The following ANO3 variants were observed in gnomAD, a reference collection of about 807,000 sequenced individuals.
ANO3 encodes anoctamin-3.
A neutral mutation model predicts 144.8 loss-of-function variants in ANO3; 99 were observed. The observed-to-expected ratio is 0.68, with a 90% confidence interval of 0.58 to 0.81. The LOEUF is 0.81. Among genes scored for constraint, ANO3 ranks in the 30% least tolerant of loss-of-function variants. The pLI is 0.00. For missense variants in ANO3, 905 were observed against 1,202.2 expected (o/e 0.75, Z 3.66); for synonymous variants, 414 against 392.6 (o/e 1.05, Z -0.64).
At chr11:26,583,576 C>T (rs2132865519) in intron 14 of ANO3, among the ~76,000 whole-genome samples, 1 of 152,300 alleles carries the variant, frequency 6.6e-6, no homozygotes, top group Non-Finnish European at 1.5e-5. Context: ...GTAGAGAACT[C>T]CATGCATTAC....
chr11:26,281,991 A>T (rs1444726046), intron 1 of ANO3, among the ~76,000 whole-genome samples: 4 of 152,128 alleles, frequency 2.6e-5, no homozygotes, highest in African/African-American at 9.7e-5. Context: ...AAACATGAAA[A>T]CCATTACTTT....
At chr11:26,543,469 T>TA (rs1408811616) in intron 11 of ANO3, among the ~76,000 whole-genome samples, 33 of 87,184 alleles carry the variant, frequency 3.8e-4, no homozygotes, top group East Asian at 1.7e-3. Context: ...TTCTTTTTTT[T>TA]TAATTATATT....
At chr11:26,477,915 C>T (rs1316063681) in intron 4 of ANO3, among the ~76,000 whole-genome samples, 1 of 152,076 alleles carries the variant, frequency 6.6e-6, no homozygotes, top group Admixed American at 6.6e-5. Context: ...CAGGGATACT[C>T]ATTGCATCGT....
intron 18 of ANO3, among the ~76,000 whole-genome samples, chr11:26,629,210 G>C (rs1852690522): frequency 6.6e-6 from 1 of 152,034 alleles, no homozygotes; most frequent in Admixed American, 6.6e-5. Context: ...ATAGCACTCA[G>C]CATGTCTCCA....
chr11:26,277,654 T>C (rs1339754084), intron 1 of ANO3, among the ~76,000 whole-genome samples: 2 of 152,004 alleles, frequency 1.3e-5, no homozygotes, highest in Non-Finnish European at 2.9e-5. Flanking sequence ...TCCTTCTGCT[T>C]GAAATGCCTT....
At chr11:26,407,248 CTTCATTTG>C (rs909135347) in intron 1 of ANO3, among the ~76,000 whole-genome samples, 1 of 151,270 alleles carries the variant, frequency 6.6e-6, no homozygotes, top group African/African-American at 2.4e-5. Flanking sequence ...CTGTGCCTTT[CTTCATTTG>C]TTCTATTACT....
chr11:26,309,847 T>A, intron 1 of ANO3: 1 of 224,058 alleles, frequency 4.5e-6, no homozygotes, highest in Non-Finnish European at 7.5e-6. Context: ...TGTTAATAAT[T>A]ACCATATGTG....
At chr11:26,423,642 A>C (rs2134000952) in intron 1 of ANO3, among the ~76,000 whole-genome samples, 1 of 152,086 alleles carries the variant, frequency 6.6e-6, no homozygotes, top group African/African-American at 2.4e-5. Context: ...CAACGTGTTC[A>C]TTTTTTATCA....
chr11:26,476,869 G>T (rs1457885173), intron 4 of ANO3, among the ~76,000 whole-genome samples: 1 of 150,730 alleles, frequency 6.6e-6, no homozygotes, highest in African/African-American at 2.4e-5. Flanking sequence ...AAAAAAGCAG[G>T]CTAGAAAGCT....
intron 13 of ANO3, among the ~76,000 whole-genome samples, chr11:26,556,312 G>A (rs1850080078): frequency 6.6e-6 from 1 of 151,852 alleles, no homozygotes; most frequent in South Asian, 2.1e-4. Flanking sequence ...TCAACCCCTT[G>A]AAGTTAAGTC....
chr11:26,459,164 G>A (rs1859275843), intron 3 of ANO3, among the ~76,000 whole-genome samples: 1 of 152,130 alleles, frequency 6.6e-6, no homozygotes, highest in African/African-American at 2.4e-5. Context: ...GGGTAGAGCT[G>A]TAGGAGCTGG....
At chr11:26,659,526 T>C (rs764300094) in intron 26 of ANO3, among the ~76,000 whole-genome samples, 1 of 151,850 alleles carries the variant, frequency 6.6e-6, no homozygotes, top group African/African-American at 2.4e-5. Flanking sequence ...AGACCTCATA[T>C]CTACAAATTT....
At chr11:26,544,117 G>A (rs1366942588) in intron 11 of ANO3, among the ~76,000 whole-genome samples, 5 of 150,790 alleles carry the variant, frequency 3.3e-5, no homozygotes, top group African/African-American at 9.7e-5. Flanking sequence ...TAGGATTTGC[G>A]AGCACACATT....
intron 1 of ANO3, among the ~76,000 whole-genome samples, chr11:26,293,066 A>G (rs1235169350): frequency 6.6e-6 from 1 of 152,222 alleles, no homozygotes; most frequent in Non-Finnish European, 1.5e-5. Flanking sequence ...ATATCTTTAA[A>G]TTAAAGGCAA....
intron 4 of ANO3, among the ~76,000 whole-genome samples, chr11:26,481,709 G>A (rs962201545): frequency 2.0e-5 from 3 of 152,010 alleles, no homozygotes; most frequent in Admixed American, 2.0e-4. Flanking sequence ...CATAAAAATG[G>A]ACTAAATGAA....
At chr11:26,516,994 T>C in intron 6 of ANO3, 67 bp downstream of exon 6, 1 of 911,552 alleles carries the variant, frequency 1.1e-6, no homozygotes, top group Non-Finnish European at 1.7e-6. Flanking sequence ...TGCATCACCT[T>C]AGAGCAACAA....
intron 4 of ANO3, among the ~76,000 whole-genome samples, chr11:26,499,520 AT>A (rs1421160584): frequency 3.9e-5 from 1 of 25,922 alleles, no homozygotes. Context: ...AAATTAACTT[AT>A]TTTTTTAGTG....
In ANO3 at chr11:26,400,706, GCATACA is replaced by G. The variant is rs1212987726; in HGVS notation, c.47-41211_47-41206del. On this transcript the variant is annotated intron_variant, in intron 1 of 26. Coordinates refer to ENST00000256737, the MANE Select transcript of ANO3 (RefSeq NM_031418.4). ...ACAAAACTTGCACATTACAACATAT[GCATACA>G]TATACATATATATATGTATATATTA... Among the ~76,000 whole-genome samples, 8 of 151,534 alleles carry G rather than the reference GCATACA, an allele frequency of 5.3e-5. No individual in the cohort carries two copies. In the East Asian group the frequency reaches 9.8e-4, roughly 19 times the overall value.
At chr11:26,531,681 A>G (rs918517085) in intron 8 of ANO3, among the ~76,000 whole-genome samples, 1 of 152,148 alleles carries the variant, frequency 6.6e-6, no homozygotes, top group African/African-American at 2.4e-5. Flanking sequence ...TGTTTGAGTA[A>G]TAGATTGCTG....
Sources: gnomAD v4.1 joint callset for allele counts (sites outside exome capture counted in the v4.1 genomes callset) on GRCh38, gnomAD v4.1.1 for gene constraint, MANE v1.5 for transcripts, NCBI Gene and HGNC (gene_info 2026-07-23, HGNC 2026-07-21) for gene names.